The following PARD3B variants were observed in gnomAD, a reference collection of about 807,000 sequenced individuals.
PARD3B encodes the protein partitioning defective 3 homolog B.
PARD3B carries 103 observed loss-of-function variants against 130.2 expected under a neutral mutation model. The observed-to-expected ratio is 0.79, with a 90% CI of 0.67 to 0.93. PARD3B has a LOEUF of 0.93. Among genes scored for constraint, PARD3B ranks in the 40% least tolerant of loss-of-function variants. The pLI, the probability that PARD3B is intolerant of heterozygous loss-of-function variation, is 0.00. For synonymous variants in PARD3B, 583 were observed against 553.2 expected (o/e 1.05, Z -0.76); for missense variants, 1,609 against 1,499.2 (o/e 1.07, Z -1.21).
intron 1 of PARD3B, among the ~76,000 whole-genome samples, chr2:204,556,967 T>TC (rs1373054676): frequency 1.3e-5 from 2 of 152,036 alleles, no homozygotes; most frequent in African/African-American, 4.8e-5. Context: ...TTTGATGATG[T>TC]CCCACCTTTT....
chr2:205,096,613 G>T (rs1003213729), intron 4 of PARD3B, among the ~76,000 whole-genome samples: 2 of 152,146 alleles, frequency 1.3e-5, no homozygotes, highest in Non-Finnish European at 2.9e-5. Context: ...TACACTGAGT[G>T]CAGTTTTATC....
chr2:205,085,939 G>T (rs1296973917), intron 4 of PARD3B, among the ~76,000 whole-genome samples: 1 of 152,136 alleles, frequency 6.6e-6, no homozygotes, highest in Non-Finnish European at 1.5e-5. Context: ...TCCAAAGTAA[G>T]CTTTAAAATG....
intron 2 of PARD3B, among the ~76,000 whole-genome samples, chr2:204,823,361 GCT>G: frequency 6.6e-6 from 1 of 151,404 alleles, no homozygotes; most frequent in Non-Finnish European, 1.5e-5. Flanking sequence ...ATAAAATAAT[GCT>G]CTCATTTTCA....
At chr2:204,551,191 A>G (rs1190035802) in intron 1 of PARD3B, among the ~76,000 whole-genome samples, 1 of 152,206 alleles carries the variant, frequency 6.6e-6, no homozygotes, top group Non-Finnish European at 1.5e-5. Context: ...AGGTCTGCTC[A>G]GTGTTATATT....
intron 3 of PARD3B, among the ~76,000 whole-genome samples, chr2:205,018,570 T>C (rs1423825844): frequency 1.3e-5 from 2 of 152,028 alleles, no homozygotes; most frequent in African/African-American, 4.8e-5. Context: ...TCAAATGCTT[T>C]TTTAAAGTGT....
chr2:205,195,088 C>T (rs1054779088), intron 15 of PARD3B, among the ~76,000 whole-genome samples: 40 of 151,822 alleles, frequency 2.6e-4, no homozygotes, highest in African/African-American at 9.7e-4. Flanking sequence ...CGTGAGCCAC[C>T]GCATCCAGCC....
chr2:205,328,578 G>A (rs1214106502), intron 18 of PARD3B, among the ~76,000 whole-genome samples: 2 of 152,032 alleles, frequency 1.3e-5, no homozygotes, highest in African/African-American at 2.4e-5. Context: ...AAATGCATGA[G>A]TTATTTTGAA....
At chr2:204,920,417 C>T (rs987674601) in intron 2 of PARD3B, among the ~76,000 whole-genome samples, 2 of 152,276 alleles carry the variant, frequency 1.3e-5, no homozygotes, top group East Asian at 1.9e-4. Context: ...TGTCTAAACA[C>T]CTTTTGGAGC....
intron 6 of PARD3B, among the ~76,000 whole-genome samples, chr2:205,115,641 G>A (rs1186519270): frequency 1.3e-5 from 2 of 152,240 alleles, no homozygotes; most frequent in South Asian, 2.1e-4. Context: ...CTATGGAAGT[G>A]GAGACATGAG....
Position 205,301,552 on chromosome 2 carries a change from G to C in PARD3B, c.2481G>C (p.Met827Ile). ...APQGNSELED[M>I]ENKARKVKKT... is the part of the protein sequence containing the mutation. ...AGGGGAATTCGGAGCTAGAGGACAT[G>C]GAAAATAAAGCCAGGAAAGTCAAAA... is the stretch of plus-strand genomic sequence containing the variant. Residue 827 changes from methionine (M) to isoleucine (I), a missense_variant, in exon 18 of 23, where the codon ATG (methionine) becomes ATC (isoleucine). Transcript: ENST00000406610. The surrounding 1 kb of genome is among the most constrained non-coding windows in gnomAD (Gnocchi z 5.2). 6.2e-7 allele frequency: 1 copy of C among 1,613,740 alleles called. No homozygotes were observed. The highest frequency in any genetic ancestry group is 8.5e-7 in the Non-Finnish European group (1 of 1,179,998).
At chr2:204,599,957 T>C (rs2033444430) in intron 1 of PARD3B, among the ~76,000 whole-genome samples, 1 of 152,014 alleles carries the variant, frequency 6.6e-6, no homozygotes, top group African/African-American at 2.4e-5. Context: ...AAGCATTTTT[T>C]CACATATTTT....
rs771465115 is a variant in PARD3B at position 205,301,635 on chromosome 2, A to C, written c.2564A>C (p.Lys855Thr). ...GGCAAATTGAAAGTCAAGGAGAAAA[A>C]GCGCAAAGAGGAGAATGAAGATCCA... is the stretch of plus-strand genomic sequence containing the variant. ...EKGKLKVKEK[K>T]RKEENEDPER... The change falls in exon 18 of 23, where the codon AAG becomes ACG. Residue 855 changes from lysine to threonine, a missense_variant. Coordinates refer to ENST00000406610, the MANE Select transcript of PARD3B (RefSeq NM_001302769.2). This position sits in a 1 kb window ranked among gnomAD's most constrained non-coding sequence, Gnocchi z 5.2. 1.9e-5 allele frequency: 30 copies of C among 1,613,636 alleles called. No homozygotes were observed. The highest frequency in any genetic ancestry group is 2.4e-5 in the Non-Finnish European group (28 of 1,179,680).
chr2:204,863,617 T>C (rs1001777849), intron 2 of PARD3B, among the ~76,000 whole-genome samples: 6 of 152,268 alleles, frequency 3.9e-5, no homozygotes, highest in African/African-American at 9.6e-5. Context: ...TGGAAATTTC[T>C]ATTCTGGGTT....
intron 3 of PARD3B, among the ~76,000 whole-genome samples, chr2:205,007,114 C>G (rs1241522117): frequency 6.6e-6 from 1 of 152,048 alleles, no homozygotes; most frequent in Non-Finnish European, 1.5e-5. Flanking sequence ...TGAGTGAGTT[C>G]TTGTGAAATC....
intron 15 of PARD3B, among the ~76,000 whole-genome samples, chr2:205,211,331 A>G (rs553453439): frequency 2.0e-5 from 3 of 152,144 alleles, no homozygotes; most frequent in South Asian, 2.1e-4. Context: ...CAATAGATGT[A>G]TGGATGCGAA....
chr2:204,562,723 CATTT>C (rs2031397632), intron 1 of PARD3B, among the ~76,000 whole-genome samples: 1 of 151,934 alleles, frequency 6.6e-6, no homozygotes, highest in Non-Finnish European at 1.5e-5. Flanking sequence ...TTTATAGACA[CATTT>C]ATAGAGATTC....
chr2:205,288,120 A>G lies in PARD3B; in HGVS notation c.2186-12410A>G, dbSNP rs542103060. On this transcript the variant is annotated intron_variant, in intron 16 of 22. Coordinates refer to ENST00000406610, the MANE Select transcript of PARD3B (RefSeq NM_001302769.2). The surrounding 1 kb of genome is among the most constrained non-coding windows in gnomAD (Gnocchi z 4.0). ...TAGTAAAGCGTGCTTACGAGGAGAT[A>G]GCAAAGGGTCCGGCCATGACAGTCA... Among the ~76,000 whole-genome samples, 7 of 152,242 alleles carry G rather than the reference A, an allele frequency of 4.6e-5. No homozygotes were observed. The South Asian group carries it at 8.3e-4, about 18-fold the overall frequency.
intron 1 of PARD3B, among the ~76,000 whole-genome samples, chr2:204,657,648 C>T (rs1411825461): frequency 6.6e-6 from 1 of 152,112 alleles, no homozygotes; most frequent in Non-Finnish European, 1.5e-5. Context: ...ACAAGCCATA[C>T]GTTTTCAGGT....
intron 4 of PARD3B, among the ~76,000 whole-genome samples, chr2:205,068,581 AT>A (rs11360197): frequency 0.87 from 130,909 of 150,716 alleles, 56,851 homozygotes; most frequent in East Asian, 0.95. Flanking sequence ...GAATGAAGTT[AT>A]TTTTTTTTTT....
Sources: allele counts gnomAD v4.1 joint callset (sites outside exome capture counted in the v4.1 genomes callset), GRCh38; gene constraint gnomAD v4.1.1; non-coding constraint Gnocchi (gnomAD v3.1); transcripts MANE v1.5; gene names NCBI Gene and HGNC (gene_info 2026-07-23, HGNC 2026-07-21).